MTHFD1L: variants seen among roughly 807,000 people sequenced by gnomAD.
MTHFD1L encodes the protein monofunctional C1-tetrahydrofolate synthase, mitochondrial.
In MTHFD1L, 81 loss-of-function variants were observed where a neutral mutation model predicts 119.5. The ratio of observed to expected loss-of-function variants is 0.68; its 90% confidence interval spans 0.57 to 0.82. The LOEUF (loss-of-function observed/expected upper bound fraction) is 0.82. Among genes scored for constraint, MTHFD1L ranks in the 40% least tolerant of loss-of-function variants. MTHFD1L has a pLI of 0.00. For missense variants in MTHFD1L, 1,125 were observed against 1,253.4 expected, an observed-to-expected ratio of 0.90 and a Z score of 1.55; for synonymous variants, 430 against 475.2, an observed-to-expected ratio of 0.90 and a Z score of 1.24.
At chr6:150,897,460 A>G (rs931214493) in intron 7 of MTHFD1L, among the ~76,000 whole-genome samples, 7 of 152,238 alleles carry the variant, frequency 4.6e-5, no homozygotes, top group Non-Finnish European at 1.0e-4. Flanking sequence ...AGCCAGTTCC[A>G]CTGCAGTAGA....
chr6:151,087,176 G>A (rs1008571182), intron 26 of MTHFD1L, among the ~76,000 whole-genome samples: 17 of 152,042 alleles, frequency 1.1e-4, no homozygotes, highest in African/African-American at 2.7e-4. Context: ...TTGAACCCAC[G>A]AGGCGGAGGC....
intron 20 of MTHFD1L, among the ~76,000 whole-genome samples, chr6:150,978,492 A>G (rs1776964690): frequency 6.6e-6 from 1 of 152,194 alleles, no homozygotes; most frequent in Non-Finnish European, 1.5e-5. Flanking sequence ...CTCATGCAGC[A>G]GAGGAGAAAT....
chr6:150,960,708 G>A (rs1465536391), intron 18 of MTHFD1L, among the ~76,000 whole-genome samples: 1 of 152,126 alleles, frequency 6.6e-6, no homozygotes, highest in African/African-American at 2.4e-5. Flanking sequence ...CTGGGGAGGA[G>A]TCACCCCCCT....
intron 7 of MTHFD1L, 26 bp from the exon 8 acceptor site, chr6:150,905,624 G>A: frequency 6.5e-7 from 1 of 1,543,206 alleles, no homozygotes; most frequent in Non-Finnish European, 9.0e-7. Context: ...ATCAAGATGT[G>A]CGTGTTTTTT....
intron 7 of MTHFD1L, among the ~76,000 whole-genome samples, chr6:150,897,098 T>C (rs990957304): frequency 2.0e-5 from 3 of 151,682 alleles, no homozygotes; most frequent in Admixed American, 1.3e-4. Flanking sequence ...GCCTGGGCAA[T>C]AGAGTGAGAC....
chr6:150,901,020 AAAAAAG>A lies in MTHFD1L; in HGVS notation c.781-4625_781-4620del, dbSNP rs1391973751. ...ACAGAGTGAGACTCGTCTCAAAAAAAAAAAAGAAAAGAAAAGAAAAAGTGCACACAT... is the reference window on the plus strand; with the variant it reads ...ACAGAGTGAGACTCGTCTCAAAAAAAAAAAGAAAAGAAAAAGTGCACACAT... On this transcript the variant is annotated intron_variant, in intron 7 of 27. Transcript: ENST00000367321. Among the ~76,000 whole-genome samples the A allele has an allele frequency of 5.4e-3, 816 of 151,968 alleles. 3 individuals carry two copies. Among genetic ancestry groups the A allele is most frequent in the African/African-American group, 0.019 (774 of 41,480 alleles).
At chr6:150,927,298 TAG>T (rs1249436438) in intron 11 of MTHFD1L, among the ~76,000 whole-genome samples, 2 of 152,022 alleles carry the variant, frequency 1.3e-5, no homozygotes, top group African/African-American at 2.4e-5. Context: ...TTGACGCTGA[TAG>T]AGTCTCTCAG....
chr6:150,959,554 T>C (rs1017543229), intron 17 of MTHFD1L, among the ~76,000 whole-genome samples: 5 of 152,220 alleles, frequency 3.3e-5, no homozygotes, highest in African/African-American at 1.2e-4. Flanking sequence ...TCTCTAGCTT[T>C]CACTACTGAA....
intron 20 of MTHFD1L, among the ~76,000 whole-genome samples, chr6:151,002,902 A>G (rs1018363821): frequency 2.6e-5 from 4 of 151,884 alleles, no homozygotes; most frequent in South Asian, 2.1e-4. Flanking sequence ...TGGCGGGGGG[A>G]GGGTCCCAGC....
chr6:151,032,482 G>T (rs1171798103), intron 24 of MTHFD1L, among the ~76,000 whole-genome samples: 1 of 152,090 alleles, frequency 6.6e-6, no homozygotes, highest in African/African-American at 2.4e-5. Context: ...CCGCCCCCGT[G>T]ATCCAAACAC....
chr6:151,014,811 G>A, intron 22 of MTHFD1L, 69 bp from the exon 23 acceptor site: 2 of 1,221,276 alleles, frequency 1.6e-6, no homozygotes, highest in African/African-American at 1.5e-5. Flanking sequence ...GGTGCTGGCA[G>A]TTTAGCTTGG....
At chr6:150,886,385 G>A (rs1354098313) in intron 6 of MTHFD1L, among the ~76,000 whole-genome samples, 1 of 143,558 alleles carries the variant, frequency 7.0e-6, no homozygotes, top group Non-Finnish European at 1.5e-5. Flanking sequence ...ACAGTGAGCT[G>A]TGATTGCACC....
intron 27 of MTHFD1L, among the ~76,000 whole-genome samples, chr6:151,100,622 G>A (rs1795291326): frequency 6.6e-6 from 1 of 151,222 alleles, no homozygotes; most frequent in African/African-American, 2.4e-5. Context: ...TATTTTCTGG[G>A]ACTTAAGTGT....
At chr6:151,054,419 C>A (rs1789563936) in intron 26 of MTHFD1L, among the ~76,000 whole-genome samples, 1 of 152,132 alleles carries the variant, frequency 6.6e-6, no homozygotes, top group Non-Finnish European at 1.5e-5. Context: ...TTCTCTAGCA[C>A]TTCTTTGTGA....
intron 26 of MTHFD1L, among the ~76,000 whole-genome samples, chr6:151,076,249 G>A (rs1119601): frequency 0.25 from 37,054 of 150,276 alleles, 4,620 homozygotes; most frequent in South Asian, 0.34. Context: ...GCTCACTTGG[G>A]AGGATGAGGT....
chr6:151,010,691 T>C (rs557665192), intron 21 of MTHFD1L, among the ~76,000 whole-genome samples: 1 of 152,310 alleles, frequency 6.6e-6, no homozygotes, highest in East Asian at 1.9e-4. Context: ...TGTTTGCTTG[T>C]TTGTTGTTTT....
intron 11 of MTHFD1L, chr6:150,935,708 A>G (rs1791939648): frequency 1.7e-5 from 10 of 597,880 alleles, no homozygotes; most frequent in Non-Finnish European, 2.0e-5. Context: ...TCAGATGCCC[A>G]ACTCTGTTGC....
intron 8 of MTHFD1L, among the ~76,000 whole-genome samples, chr6:150,909,574 G>A (rs111501085): frequency 2.0e-5 from 3 of 152,062 alleles, no homozygotes; most frequent in Non-Finnish European, 2.9e-5. Flanking sequence ...AAAAAACTAC[G>A]CACTGCTCTT....
intron 8 of MTHFD1L, among the ~76,000 whole-genome samples, chr6:150,917,303 C>T (rs1023387331): frequency 6.6e-6 from 1 of 151,966 alleles, no homozygotes; most frequent in African/African-American, 2.4e-5. Context: ...GTGGGCAGAT[C>T]ACTGAGGCCA....
Sources: allele counts gnomAD v4.1 joint callset (sites outside exome capture counted in the v4.1 genomes callset), GRCh38; gene constraint gnomAD v4.1.1; transcripts MANE v1.5; gene names NCBI Gene and HGNC (gene_info 2026-07-23, HGNC 2026-07-21).